LEMD1: variants seen among roughly 807,000 people sequenced by gnomAD.
LEMD1 encodes LEM domain-containing protein 1.
Under a neutral mutation model 17.4 loss-of-function variants are expected in LEMD1, and 18 were observed. That is an observed-to-expected ratio of 1.04 (90% CI 0.72 to 1.54). The LOEUF is 1.54. LEMD1 is among the 40% of genes most tolerant of loss of function. The pLI is 0.00. For missense variants in LEMD1, 195 were observed against 210.4 expected (o/e 0.93, Z 0.45); for synonymous variants, 88 against 77.8 (o/e 1.13, Z -0.69).
At chr1:205,389,848 A>G (rs113378036) in intron 4 of LEMD1, among the ~76,000 whole-genome samples, 80 of 152,356 alleles carry the variant, frequency 5.3e-4, no homozygotes, top group African/African-American at 1.8e-3. Context: ...ACTAAAAATT[A>G]TTAAGTTGGT....
At chr1:205,422,722 G>T (rs1007377131), upstream of LEMD1, among the ~76,000 whole-genome samples, 3 of 152,184 alleles carry the variant, frequency 2.0e-5, no homozygotes, top group Non-Finnish European at 4.4e-5. Flanking sequence ...TTTTAAAGAC[G>T]TGTGCAAGAC....
At chr1:205,406,113 A>G (rs1434610000) in intron 4 of LEMD1, among the ~76,000 whole-genome samples, 305 of 126,512 alleles carry the variant, frequency 2.4e-3, no homozygotes, top group East Asian at 7.7e-3. Context: ...GTCTGCCCCT[A>G]CTGGGGGGTG....
chr1:205,396,545 C>T (rs115402584), intron 4 of LEMD1, among the ~76,000 whole-genome samples: 2,778 of 152,084 alleles, frequency 0.018, 73 homozygotes, highest in African/African-American at 0.062. Flanking sequence ...GAAAATGATC[C>T]AAATGTCCAA....
At chr1:205,401,165 A>G (rs1454397059) in intron 4 of LEMD1, among the ~76,000 whole-genome samples, 1 of 151,762 alleles carries the variant, frequency 6.6e-6, no homozygotes, top group African/African-American at 2.4e-5. Flanking sequence ...ATACGTGTGC[A>G]TGTGTCTTTA....
At chr1:205,421,957 A>G (rs1024719639) in intron 1 of LEMD1, 33 bp downstream of exon 1, 1 of 152,208 alleles carries the variant, frequency 6.6e-6, no homozygotes, top group African/African-American at 2.4e-5. Context: ...AAAATATTCA[A>G]ATGGAATCCA....
chr1:205,400,338 G>A (rs776104230), intron 4 of LEMD1, among the ~76,000 whole-genome samples: 15 of 152,156 alleles, frequency 9.9e-5, no homozygotes, highest in Admixed American at 4.6e-4. Flanking sequence ...GATTACAGGC[G>A]TGAGCCACTA....
chr1:205,417,065 A>G (rs555896738), intron 3 of LEMD1, among the ~76,000 whole-genome samples: 11 of 152,312 alleles, frequency 7.2e-5, no homozygotes, highest in Admixed American at 2.0e-4. Flanking sequence ...ACCCCCGTCC[A>G]GTTCATTACA....
At chr1:205,402,153 T>C (rs1664882537) in intron 4 of LEMD1, among the ~76,000 whole-genome samples, 1 of 152,162 alleles carries the variant, frequency 6.6e-6, no homozygotes, top group Non-Finnish European at 1.5e-5. Context: ...TTCAGCTTTG[T>C]TCTTTTGGCT....
intron 4 of LEMD1, chr1:205,387,217 A>C (rs906448888): frequency 1.3e-5 from 2 of 152,082 alleles, no homozygotes; most frequent in African/African-American, 4.8e-5. Context: ...GGACATTGTC[A>C]TTTTCAAAAA....
chr1:205,382,444 G>A (rs759920700), intron 5 of LEMD1, among the ~76,000 whole-genome samples: 2 of 151,894 alleles, frequency 1.3e-5, no homozygotes, highest in African/African-American at 2.4e-5. Flanking sequence ...AAATTTTTTT[G>A]TAGAGACGAG....
chr1:205,420,342 C>T, intron 2 of LEMD1, 113 bp downstream of exon 2: 1 of 786,506 alleles, frequency 1.3e-6, no homozygotes, highest in Non-Finnish European at 2.1e-6. Context: ...TTTCTGTTTT[C>T]TCTATGTTCC....
At chr1:205,439,347 A>T (rs1038050676) in intron 1 of LEMD1, among the ~76,000 whole-genome samples, 8 of 152,202 alleles carry the variant, frequency 5.3e-5, no homozygotes, top group African/African-American at 1.9e-4. Flanking sequence ...GTAGGGGCAA[A>T]GGAAGGGGTT....
At chr1:205,408,757 C>T (rs190332418) in intron 4 of LEMD1, among the ~76,000 whole-genome samples, 1 of 152,016 alleles carries the variant, frequency 6.6e-6, no homozygotes, top group African/African-American at 2.4e-5. Context: ...TCCTTGACCT[C>T]CCAAAGTGCT....
At chr1:205,388,970 C>A (rs1330200067) in intron 4 of LEMD1, among the ~76,000 whole-genome samples, 1 of 150,646 alleles carries the variant, frequency 6.6e-6, no homozygotes, top group Non-Finnish European at 1.5e-5. Context: ...GGGCTAACAT[C>A]CAGAGCCAGA....
intron 5 of LEMD1, among the ~76,000 whole-genome samples, chr1:205,382,645 C>T (rs892543088): frequency 6.6e-6 from 1 of 152,114 alleles, no homozygotes; most frequent in Non-Finnish European, 1.5e-5. Context: ...TCATTGTTTC[C>T]ACCCACTTGT....
At chr1:205,447,246 A>G (rs561405987) in intron 1 of LEMD1, among the ~76,000 whole-genome samples, 2 of 152,352 alleles carry the variant, frequency 1.3e-5, no homozygotes, top group East Asian at 1.9e-4. Context: ...CAGAATTCCC[A>G]TAAGTTAAAT....
At chr1:205,445,352 C>T (rs1341925518) in intron 1 of LEMD1, among the ~76,000 whole-genome samples, 1 of 152,224 alleles carries the variant, frequency 6.6e-6, no homozygotes, top group Non-Finnish European at 1.5e-5. Context: ...GGACTTCTTC[C>T]CGGAGTTGGC....
At chr1:205,419,654 C>T (rs1024325553) in intron 2 of LEMD1, among the ~76,000 whole-genome samples, 10 of 152,142 alleles carry the variant, frequency 6.6e-5, no homozygotes, top group Admixed American at 2.6e-4. Context: ...TTAGTAGAGA[C>T]GAGGTTTCGC....
chr1:205,397,765 T>G (rs1284745786), intron 4 of LEMD1, among the ~76,000 whole-genome samples: 1 of 152,190 alleles, frequency 6.6e-6, no homozygotes, highest in Non-Finnish European at 1.5e-5. Context: ...AGATCCCTAC[T>G]CACAAAGCAA....
Sources: gnomAD v4.1 joint callset for allele counts (sites outside exome capture counted in the v4.1 genomes callset) on GRCh38, gnomAD v4.1.1 for gene constraint, MANE v1.5 for transcripts, NCBI Gene and HGNC (gene_info 2026-07-23, HGNC 2026-07-21) for gene names.